Variants in MCM9 observed in about 807,000 individuals in gnomAD.
The protein encoded by MCM9 is minichromosome maintenance 9 homologous recombination repair factor.
MCM9 carries 55 observed loss-of-function variants against 72.8 expected under a neutral mutation model. The ratio of observed to expected loss-of-function variants is 0.76; its 90% CI spans 0.61 to 0.95. The LOEUF (loss-of-function observed/expected upper bound fraction) is 0.95, where lower values mean the gene tolerates loss of function less well. MCM9 is among the 40% of genes least tolerant of loss of function. The pLI is 0.00. For synonymous variants in MCM9, 480 were observed against 503.4 expected (o/e 0.95, Z 0.62); for missense variants, 1,279 against 1,377.0 (o/e 0.93, Z 1.13).
intron 13 of MCM9, among the ~76,000 whole-genome samples, chr6:118,819,720 G>A (rs1412477589): frequency 1.3e-5 from 2 of 152,130 alleles, no homozygotes; most frequent in Non-Finnish European, 2.9e-5. Flanking sequence ...TGTACCTCTG[G>A]TAGAATTTGG....
At chr6:118,857,626 CAAAAAA>C (rs1203197065) in intron 8 of MCM9, among the ~76,000 whole-genome samples, 288 of 70,958 alleles carry the variant, frequency 4.1e-3, no homozygotes, top group South Asian at 0.019. Flanking sequence ...CCAGACTGAC[CAAAAAA>C]AAAAAAAAAA....
In MCM9 at chr6:118,931,514, A is replaced by G; in HGVS notation, c.210T>C (p.Asp70=). 1 of 1,614,198 alleles carries G rather than the reference A, an allele frequency of 6.2e-7. No individual in the cohort carries two copies. The highest frequency in any genetic ancestry group is 8.5e-7 in the Non-Finnish European group (1 of 1,180,034). The stretch of plus-strand genomic sequence containing the variant: ...TCAAGGCTGACCTTCGCAGTGCACT[A>G]TCAAAAATTGTAAGCACTTCACTGG... ...MFPSEVLTIF[D]SALRRSALTI... The change falls in exon 3 of 14, where the codon GAT becomes GAC. Residue 70 remains aspartate, a synonymous_variant. Transcript: ENST00000619706.
At chr6:118,872,749 C>T (rs1284199805) in intron 8 of MCM9, among the ~76,000 whole-genome samples, 1 of 151,800 alleles carries the variant, frequency 6.6e-6, no homozygotes, top group East Asian at 1.9e-4. Flanking sequence ...TGAATGAATT[C>T]ACCAGAAAAG....
At chr6:118,931,337 A>C in intron 3 of MCM9, 83 bp downstream of exon 3, 1 of 1,081,250 alleles carries the variant, frequency 9.2e-7, no homozygotes, top group African/African-American at 1.6e-5. Context: ...AATATCAATT[A>C]TTTCTTAGTG....
intron 13 of MCM9, among the ~76,000 whole-genome samples, chr6:118,823,399 C>T (rs1773949198): frequency 6.6e-6 from 1 of 152,196 alleles, no homozygotes; most frequent in East Asian, 1.9e-4. Context: ...CACCCTGCTT[C>T]TGCTCACCTT....
At chr6:118,875,522 G>C (rs561891065) in intron 8 of MCM9, among the ~76,000 whole-genome samples, 1 of 151,962 alleles carries the variant, frequency 6.6e-6, no homozygotes, top group African/African-American at 2.4e-5. Context: ...TATGGTCCCA[G>C]CTACTCAAGA....
At chr6:118,883,980 AT>A (rs1778451388) in intron 8 of MCM9, among the ~76,000 whole-genome samples, 1 of 152,232 alleles carries the variant, frequency 6.6e-6, no homozygotes, top group Non-Finnish European at 1.5e-5. Flanking sequence ...AAGCAATTGT[AT>A]AAAAAAGTAT....
At chr6:118,905,053 G>A (rs1780080466) in intron 8 of MCM9, among the ~76,000 whole-genome samples, 1 of 152,170 alleles carries the variant, frequency 6.6e-6, no homozygotes, top group Non-Finnish European at 1.5e-5. Flanking sequence ...GGCCAGGATG[G>A]TCTCAATCTC....
rs1224375337 is a variant in MCM9, at chr6:118,843,329, TA to T, written c.1325+13041del. On this transcript the variant is annotated intron_variant, in intron 9 of 13. Transcript: ENST00000619706. ...TCTGCAGTGCATATAAGTGACACATTAAAAAAAAAAAATCTCTGGCTGGGTG... is the reference window on the plus strand; with the variant it reads ...TCTGCAGTGCATATAAGTGACACATTAAAAAAAAAAATCTCTGGCTGGGTG... Among the ~76,000 whole-genome samples, 914 of 145,046 alleles carry T rather than the reference TA, an allele frequency of 6.3e-3. 7 individuals are homozygous for T. Among genetic ancestry groups the T allele is most frequent in the African/African-American group, 0.019 (770 of 39,770 alleles).
At position 118,814,066 on chromosome 6, in the gene MCM9, C is replaced by T. The variant is rs1773265005; in HGVS notation, c.*758G>A. 1.3e-5 allele frequency: 2 copies of T among 152,200 alleles called. No homozygotes were observed. Among genetic ancestry groups the T allele is most frequent in the South Asian group, 4.1e-4 (2 of 4,822 alleles). The allele number at this position is 152,200 out of a possible 1,614,324, so 9.4% of individuals were successfully genotyped here. The stretch of plus-strand genomic sequence containing the variant: ...TGAGTCACTGTGCCTGGCTCATACT[C>T]TCTCTTCTTCTAATCACAGTATTTT... On this transcript the variant is annotated 3_prime_UTR_variant, in exon 14 of 14. Transcript: ENST00000619706.
chr6:118,843,181 A>G (rs1734658068), intron 9 of MCM9, among the ~76,000 whole-genome samples: 1 of 152,164 alleles, frequency 6.6e-6, no homozygotes, highest in Non-Finnish European at 1.5e-5. Flanking sequence ...CTTGTAGGTA[A>G]GGTATGTGCC....
chr6:118,900,816 G>A, intron 8 of MCM9: 1 of 1,613,856 alleles, frequency 6.2e-7, no homozygotes. Context: ...TGAAGAATAC[G>A]ATCAAGTTTT....
intron 8 of MCM9, among the ~76,000 whole-genome samples, chr6:118,900,029 A>C (rs901077443): frequency 2.0e-5 from 3 of 152,234 alleles, no homozygotes; most frequent in Admixed American, 6.5e-5. Context: ...AAAATCCGCT[A>C]TATTGAATTA....
chr6:118,886,680 T>G (rs1284509912), intron 8 of MCM9, among the ~76,000 whole-genome samples: 2 of 152,156 alleles, frequency 1.3e-5, no homozygotes. Context: ...ACAGGCCAGG[T>G]GTAGTGGCTC....
chr6:118,931,709 T>TTGA lies in MCM9; in HGVS notation c.12_14dup (p.Asp4_Gln5insHis). On this transcript the variant is annotated inframe_insertion, in exon 3 of 14. Coordinates refer to ENST00000619706, the MANE Select transcript of MCM9 (RefSeq NM_017696.3). The stretch of plus-strand genomic sequence containing the variant: ...CAAACACTTGACCAACCAGTGTAAC[T>TTGA]TGATCGCTATTCATCTTGAATCTAG... 1 of 1,611,194 alleles carries TTGA rather than the reference T, an allele frequency of 6.2e-7. No individual in the cohort carries two copies. The highest frequency in any genetic ancestry group is 8.5e-7 in the Non-Finnish European group (1 of 1,177,908).
chr6:118,829,917 T>C (rs1283109275), intron 9 of MCM9, among the ~76,000 whole-genome samples: 1 of 151,994 alleles, frequency 6.6e-6, no homozygotes, highest in African/African-American at 2.4e-5. Context: ...GAAAATATGA[T>C]TGATTTGGCA....
At chr6:118,817,592 T>C (rs1342481501) in intron 13 of MCM9, among the ~76,000 whole-genome samples, 1 of 152,212 alleles carries the variant, frequency 6.6e-6, no homozygotes, top group Non-Finnish European at 1.5e-5. Context: ...AGAGCTGCAA[T>C]AAACATACGT....
intron 8 of MCM9, among the ~76,000 whole-genome samples, chr6:118,857,520 T>C (rs1314584085): frequency 1.3e-5 from 2 of 150,662 alleles, no homozygotes; most frequent in Non-Finnish European, 2.9e-5. Context: ...GATTCTTGGA[T>C]ATTTAAATAA....
At chr6:118,846,207 G>A (rs951454732) in intron 9 of MCM9, among the ~76,000 whole-genome samples, 4 of 151,680 alleles carry the variant, frequency 2.6e-5, no homozygotes, top group South Asian at 2.1e-4. Context: ...AAGACCTTAC[G>A]GATAAACAAA....
Sources: allele counts gnomAD v4.1 joint callset (sites outside exome capture counted in the v4.1 genomes callset), GRCh38; gene constraint gnomAD v4.1.1; transcripts MANE v1.5; gene names NCBI Gene and HGNC (gene_info 2026-07-23, HGNC 2026-07-21).